The following ARNT variants were observed in gnomAD, a reference collection of about 807,000 sequenced individuals.
ARNT encodes the protein aryl hydrocarbon receptor nuclear translocator.
In ARNT, 30 loss-of-function variants were observed where a neutral mutation model predicts 105.0. The ratio of observed to expected loss-of-function variants is 0.29; its 90% CI spans 0.21 to 0.39. The LOEUF is 0.39. Among genes scored for constraint, ARNT ranks in the 10% least tolerant of loss-of-function variants. The pLI, the probability that ARNT is intolerant of heterozygous loss-of-function variation, is 1.00. For synonymous variants in ARNT, 304 were observed against 344.0 expected (o/e 0.88, Z 1.29); for missense variants, 748 against 978.7 (o/e 0.76, Z 3.15).
At position 150,809,958 on chromosome 1, in the gene ARNT, G is replaced by T; in HGVS notation, c.*2063C>A. On this transcript the variant is annotated 3_prime_UTR_variant, in exon 22 of 22. Coordinates refer to ENST00000358595, the MANE Select transcript of ARNT (RefSeq NM_001668.4). ...CAGAACCCTATGATTTCTGATTCCTGAAATTAAAGACACAATGTGCCTTAT... is the reference window on the plus strand; with the variant it reads ...CAGAACCCTATGATTTCTGATTCCTTAAATTAAAGACACAATGTGCCTTAT... The T allele has an allele frequency of 4.4e-6, 1 of 226,052 alleles. No individual in the cohort carries two copies. Among genetic ancestry groups the T allele is most frequent in the East Asian group, 6.3e-5 (1 of 15,816 alleles). The allele number at this position is 226,052 out of a possible 1,614,324, so 14.0% of individuals were successfully genotyped here.
chr1:150,860,537 T>C (rs587597506), intron 1 of ARNT, among the ~76,000 whole-genome samples: 11 of 151,634 alleles, frequency 7.3e-5, no homozygotes, highest in Non-Finnish European at 1.5e-4. Flanking sequence ...TTTCGAATCA[T>C]ATATGCAACA....
At chr1:150,844,683 T>C (rs1347976968) in intron 4 of ARNT, among the ~76,000 whole-genome samples, 1 of 152,118 alleles carries the variant, frequency 6.6e-6, no homozygotes, top group Non-Finnish European at 1.5e-5. Flanking sequence ...AAAAACTTTC[T>C]AAAAAGAAAA....
intron 8 of ARNT, among the ~76,000 whole-genome samples, chr1:150,833,937 CTTTTTT>C (rs1449123694): frequency 7.0e-6 from 1 of 141,888 alleles, no homozygotes; most frequent in African/African-American, 2.6e-5. Context: ...TTTTCTTTTT[CTTTTTT>C]TTTTTTTTGA....
intron 14 of ARNT, among the ~76,000 whole-genome samples, chr1:150,820,918 G>A (rs587634863): frequency 3.0e-4 from 46 of 152,264 alleles, no homozygotes; most frequent in African/African-American, 9.6e-4. Context: ...CTGTGCCATC[G>A]AAAATTCGAC....
At chr1:150,843,238 A>G (rs912197793) in intron 4 of ARNT, among the ~76,000 whole-genome samples, 8 of 152,338 alleles carry the variant, frequency 5.3e-5, no homozygotes, top group Non-Finnish European at 1.0e-4. Context: ...GAAGGATACA[A>G]AGAACCATCA....
At chr1:150,813,536 G>C (rs758910980) in intron 20 of ARNT, among the ~76,000 whole-genome samples, 198 bp from the exon 21 acceptor site, 1 of 152,040 alleles carries the variant, frequency 6.6e-6, no homozygotes, top group Non-Finnish European at 1.5e-5. Flanking sequence ...CCTTTCCATA[G>C]AGTTCTTTAC....
At position 150,810,435 on chromosome 1, in the gene ARNT, GAATA is replaced by G. The variant is rs1360941331; in HGVS notation, c.*1582_*1585del. The G allele has an allele frequency of 4.5e-6, 1 of 222,498 alleles. No homozygotes were observed. The highest frequency in any genetic ancestry group is 9.0e-6 in the Non-Finnish European group (1 of 111,140). 13.8% of individuals were successfully genotyped at this position (222,498 alleles called of 1,614,324 possible). A position where few individuals can be genotyped will look rare whatever the true frequency, so the allele number is the denominator to read the frequency against. ...TATGTATACTGTAAGTGTGCACATA[GAATA>G]AAAAAATAAACTGTCTCCTTTTTTA... is the stretch of plus-strand genomic sequence containing the variant. On this transcript the variant is annotated 3_prime_UTR_variant, in exon 22 of 22. Coordinates refer to ENST00000358595, the MANE Select transcript of ARNT (RefSeq NM_001668.4).
At chr1:150,831,924 T>TTAA in intron 9 of ARNT, 21 bp from the exon 10 acceptor site, 1 of 1,368,316 alleles carries the variant, frequency 7.3e-7, no homozygotes, top group Non-Finnish European at 9.9e-7. Flanking sequence ...TACAGGAGTT[T>TTAA]GAAAAAAAAA....
intron 11 of ARNT, 43 bp from the exon 12 acceptor site, chr1:150,829,270 T>C (rs201539352): frequency 1.9e-6 from 3 of 1,586,088 alleles, no homozygotes; most frequent in African/African-American, 1.3e-5. Context: ...GATACCATTA[T>C]TTACAGATGT....
chr1:150,847,421 G>A (rs1182102157), intron 3 of ARNT, among the ~76,000 whole-genome samples: 7 of 50,256 alleles, frequency 1.4e-4, no homozygotes, highest in African/African-American at 4.3e-4. Context: ...GCGAGACTCC[G>A]TCTCAAAAAA....
chr1:150,864,772 AT>A (rs1322982778), intron 1 of ARNT, among the ~76,000 whole-genome samples: 148 of 89,730 alleles, frequency 1.6e-3, no homozygotes, highest in African/African-American at 3.2e-3. Context: ...TAAAAAATAA[AT>A]AAATAAATAA....
At chr1:150,830,122 G>A in intron 10 of ARNT, 142 bp from the exon 11 acceptor site, 1 of 828,284 alleles carries the variant, frequency 1.2e-6, no homozygotes. Context: ...ACTTTGGGAA[G>A]CCAAGGTGGG....
At chr1:150,818,798 A>G (rs587654950) in intron 14 of ARNT, among the ~76,000 whole-genome samples, 1 of 152,246 alleles carries the variant, frequency 6.6e-6, no homozygotes, top group African/African-American at 2.4e-5. Flanking sequence ...AAAATTAATC[A>G]TGGTAGGGAA....
chr1:150,852,382 C>A (rs1663792765), intron 3 of ARNT, among the ~76,000 whole-genome samples: 1 of 152,048 alleles, frequency 6.6e-6, no homozygotes. Flanking sequence ...ACAGAAATAC[C>A]CAGCCATCCC....
intron 7 of ARNT, 144 bp downstream of exon 7, chr1:150,836,136 G>T (rs1660285229): frequency 1.5e-6 from 1 of 680,344 alleles, no homozygotes; most frequent in East Asian, 2.7e-5. Context: ...TGGATAAAAA[G>T]AACTGACTAT....
intron 19 of ARNT, among the ~76,000 whole-genome samples, chr1:150,815,875 A>AT (rs1655760385): frequency 6.6e-6 from 1 of 151,702 alleles, no homozygotes; most frequent in African/African-American, 2.4e-5. Flanking sequence ...AAAAAAAAAA[A>AT]AAAAAGAATT....
At chr1:150,874,852 C>T (rs1668015112) in intron 1 of ARNT, among the ~76,000 whole-genome samples, 1 of 152,146 alleles carries the variant, frequency 6.6e-6, no homozygotes. Flanking sequence ...CACATACACA[C>T]TAACATATGC....
intron 6 of ARNT, among the ~76,000 whole-genome samples, chr1:150,837,705 C>T (rs1004198305): frequency 5.9e-5 from 9 of 152,112 alleles, no homozygotes; most frequent in Admixed American, 3.9e-4. Flanking sequence ...TTCCCCACTA[C>T]GAAATAATAA....
At chr1:150,834,770 A>C in intron 7 of ARNT, 130 bp from the exon 8 acceptor site, 1 of 666,222 alleles carries the variant, frequency 1.5e-6, no homozygotes, top group Non-Finnish European at 2.5e-6. Context: ...AACAGAACTG[A>C]CCAAGCAGGA....
Sources: gnomAD v4.1 joint callset for allele counts (sites outside exome capture counted in the v4.1 genomes callset) on GRCh38, gnomAD v4.1.1 for gene constraint, MANE v1.5 for transcripts, NCBI Gene and HGNC (gene_info 2026-07-23, HGNC 2026-07-21) for gene names.